Variants in ADCY5 observed in about 807,000 individuals in gnomAD.
ADCY5 encodes adenylate cyclase 5.
In ADCY5, 30 loss-of-function variants were observed where a neutral mutation model predicts 119.7. The ratio of observed to expected loss-of-function variants is 0.25; its 90% confidence interval spans 0.19 to 0.34. The LOEUF (loss-of-function observed/expected upper bound fraction) is 0.34, where lower values mean the gene tolerates loss of function less well. Ranked by LOEUF, ADCY5 falls within the 10% of genes least tolerant of loss-of-function variation. ADCY5 has a pLI of 1.00. For missense variants in ADCY5, 1,324 were observed against 1,775.2 expected (o/e 0.75, Z 4.57); for synonymous variants, 753 against 762.2 (o/e 0.99, Z 0.20).
intron 7 of ADCY5, among the ~76,000 whole-genome samples, chr3:123,326,100 G>T (rs1941471916): frequency 6.6e-6 from 1 of 152,222 alleles, no homozygotes; most frequent in Non-Finnish European, 1.5e-5. Flanking sequence ...GGAGACCTGG[G>T]ATCACAACCT....
At chr3:123,329,175 C>G (rs1217072189) in intron 5 of ADCY5, among the ~76,000 whole-genome samples, 1 of 152,240 alleles carries the variant, frequency 6.6e-6, no homozygotes, top group Non-Finnish European at 1.5e-5. Context: ...TACCACCACT[C>G]CAAACCCTAT....
rs998628037 is a variant in ADCY5, at chr3:123,303,355, GAA to G, written c.2560-138_2560-137del. On this transcript the variant is annotated intron_variant, in intron 13 of 20. Transcript: ENST00000462833. ...CATGACACTGATGGGGACAAAATCT[GAA>G]AGAGTCTGAGGAACGGGCAAAGTCT... is the stretch of plus-strand genomic sequence containing the variant. 1.1e-4 allele frequency: 108 copies of G among 1,004,800 alleles called. No individual in the cohort carries two copies. In the African/African-American group the frequency reaches 1.6e-3, roughly 15 times the overall value. The allele number at this position is 1,004,800 out of a possible 1,614,324, so 62.2% of individuals were successfully genotyped here.
At chr3:123,305,777 C>A (rs554708423) in intron 12 of ADCY5, among the ~76,000 whole-genome samples, 1 of 152,320 alleles carries the variant, frequency 6.6e-6, no homozygotes, top group African/African-American at 2.4e-5. Flanking sequence ...GGGTGTATAT[C>A]TTTCTGACCC....
At chr3:123,332,729 C>T in intron 3 of ADCY5, 54 bp from the exon 4 acceptor site, 1 of 1,188,246 alleles carries the variant, frequency 8.4e-7, no homozygotes, top group Non-Finnish European at 1.2e-6. Flanking sequence ...CTTTGTGTCT[C>T]CCAAATTCAT....
chr3:123,416,763 G>A (rs1467543419), intron 1 of ADCY5, among the ~76,000 whole-genome samples: 1 of 152,184 alleles, frequency 6.6e-6, no homozygotes, highest in Non-Finnish European at 1.5e-5. Flanking sequence ...GAGGAATGAG[G>A]AGAGAGGGTG....
intron 1 of ADCY5, among the ~76,000 whole-genome samples, chr3:123,366,381 G>T (rs776633129): frequency 6.6e-6 from 1 of 152,368 alleles, no homozygotes; most frequent in South Asian, 2.1e-4. Flanking sequence ...ACTTCCCCCT[G>T]AGGGGGTCAT....
chr3:123,299,550 G>A (rs1044718132), intron 15 of ADCY5, among the ~76,000 whole-genome samples: 2 of 152,170 alleles, frequency 1.3e-5, no homozygotes, highest in African/African-American at 4.8e-5. Context: ...TGCTGACTGT[G>A]GGACCAGACA....
At position 123,286,936 on chromosome 3, in the gene ADCY5, G is replaced by T. The variant is rs529575757; in HGVS notation, c.3533-127C>A. Reference sequence around the variant, plus strand: ...GACACCCGTGGGCTTCCAGGCCCAAGGCTGTGCTAAACCCTGCAGCCTCCC... The same window carrying T: ...GACACCCGTGGGCTTCCAGGCCCAATGCTGTGCTAAACCCTGCAGCCTCCC... On this transcript the variant is annotated intron_variant, in intron 19 of 20. Transcript: ENST00000462833. This position sits in a 1 kb window ranked among gnomAD's most constrained non-coding sequence, Gnocchi z 4.2. The T allele has an allele frequency of 4.2e-5, 57 of 1,355,542 alleles. No homozygotes were observed. The South Asian group carries it at 6.2e-4, about 15-fold the overall frequency. 84.0% of individuals were successfully genotyped at this position (1,355,542 alleles called of 1,614,324 possible).
chr3:123,291,582 A>G (rs1018861192), intron 17 of ADCY5, among the ~76,000 whole-genome samples: 3 of 152,082 alleles, frequency 2.0e-5, no homozygotes, highest in Non-Finnish European at 4.4e-5. Context: ...GGACTTTGAC[A>G]ATCAGAAAAG....
chr3:123,320,838 C>T lies in ADCY5; in HGVS notation c.2089-67G>A, dbSNP rs571097063. The T allele has an allele frequency of 4.0e-5, 49 of 1,223,750 alleles. 1 individual carries two copies. Among genetic ancestry groups the T allele is most frequent in the East Asian group, 3.2e-4 (13 of 40,090 alleles). 75.8% of individuals were successfully genotyped at this position (1,223,750 alleles called of 1,614,324 possible). ...ACAGAGAGAACTGAAAGCTCAGAGG[C>T]GTCTAGATGGCTGCAGCTCATCTCT... is the stretch of plus-strand genomic sequence containing the variant. On this transcript the variant is annotated intron_variant, in intron 8 of 20. Transcript: ENST00000462833.
At chr3:123,355,853 A>C (rs1943020218) in intron 1 of ADCY5, among the ~76,000 whole-genome samples, 1 of 152,200 alleles carries the variant, frequency 6.6e-6, no homozygotes, top group Non-Finnish European at 1.5e-5. Flanking sequence ...AATAGCCAAA[A>C]TAGTTTTGAA....
chr3:123,400,810 G>A (rs1008283359), intron 1 of ADCY5, among the ~76,000 whole-genome samples: 1 of 152,052 alleles, frequency 6.6e-6, no homozygotes, highest in Admixed American at 6.6e-5. Context: ...CAGGTGTGGT[G>A]GCATGCGCCT....
intron 11 of ADCY5, among the ~76,000 whole-genome samples, chr3:123,315,357 T>C (rs932930736): frequency 3.3e-5 from 5 of 152,192 alleles, no homozygotes; most frequent in Non-Finnish European, 5.9e-5. Context: ...AGAGTGGCTT[T>C]TAAGGCTTTC....
At chr3:123,418,965 A>C (rs934526381) in intron 1 of ADCY5, 6 of 177,698 alleles carry the variant, frequency 3.4e-5, no homozygotes, top group African/African-American at 1.2e-4. Context: ...CCTGGGTTTC[A>C]GGCCTTCAGG....
chr3:123,433,438 GAACA>G (rs1945556405), intron 1 of ADCY5, among the ~76,000 whole-genome samples: 1 of 152,180 alleles, frequency 6.6e-6, no homozygotes, highest in Non-Finnish European at 1.5e-5. Context: ...CACACTAAGT[GAACA>G]AACAGCCGTC....
At chr3:123,396,053 G>GAGGGAGGGAGAGAGA (rs1944547092) in intron 1 of ADCY5, among the ~76,000 whole-genome samples, 18 of 27,512 alleles carry the variant, frequency 6.5e-4, no homozygotes, top group African/African-American at 3.3e-3. Flanking sequence ...AGGGAGAGAG[G>GAGGGAGGGAGAGAGA]GAGGGAGGGT....
At chr3:123,366,305 T>C (rs1404197563) in intron 1 of ADCY5, among the ~76,000 whole-genome samples, 2 of 152,200 alleles carry the variant, frequency 1.3e-5, no homozygotes, top group Non-Finnish European at 2.9e-5. Flanking sequence ...CCAGGTTACT[T>C]GCAGAATATC....
intron 1 of ADCY5, among the ~76,000 whole-genome samples, chr3:123,373,673 T>C (rs919863756): frequency 1.3e-5 from 2 of 151,502 alleles, no homozygotes; most frequent in Admixed American, 6.6e-5. Flanking sequence ...ACAAGCCCTC[T>C]GCCAGCACTC....
chr3:123,447,757 C>A lies in ADCY5; in HGVS notation c.789G>T (p.Arg263=), dbSNP rs1210132928. The A allele has an allele frequency of 6.2e-7, 1 of 1,605,488 alleles. No homozygotes were observed. The highest frequency in any genetic ancestry group is 1.1e-5 in the South Asian group (1 of 90,484). ...CLVMLAFHAA[R]PPLQLPYLAV... is the part of the protein sequence containing the mutation. ...CCAGGTAGGGCAGCTGGAGCGGGGGCCGCGCCGCGTGGAAGGCCAACATGA... is the reference window on the plus strand; with the variant it reads ...CCAGGTAGGGCAGCTGGAGCGGGGGACGCGCCGCGTGGAAGGCCAACATGA... Residue 263 remains arginine (R), a synonymous_variant, in exon 1 of 21, where the codon CGG becomes CGT. Transcript: ENST00000462833.
Sources: allele counts gnomAD v4.1 joint callset (sites outside exome capture counted in the v4.1 genomes callset), GRCh38; gene constraint gnomAD v4.1.1; non-coding constraint Gnocchi (gnomAD v3.1); transcripts MANE v1.5; gene names NCBI Gene and HGNC (gene_info 2026-07-23, HGNC 2026-07-21).